The following GABRB2 variants were observed in gnomAD, a reference collection of about 807,000 sequenced individuals.
GABRB2 encodes the protein gamma-aminobutyric acid type A receptor subunit beta2, also known as gamma-aminobutyric acid receptor subunit beta-2.
Under a neutral mutation model 54.7 loss-of-function variants are expected in GABRB2, and 16 were observed. The ratio of observed to expected loss-of-function variants is 0.29; its 90% CI spans 0.20 to 0.44. GABRB2 has a LOEUF of 0.44. GABRB2 is among the 20% of genes least tolerant of loss of function. The pLI is 1.00. For synonymous variants in GABRB2, 244 were observed against 233.8 expected, an observed-to-expected ratio of 1.04 and a Z score of -0.40; for missense variants, 355 against 644.0, an observed-to-expected ratio of 0.55 and a Z score of 4.86.
chr5:161,354,215 T>A (rs1420133589), intron 5 of GABRB2, among the ~76,000 whole-genome samples: 1 of 152,030 alleles, frequency 6.6e-6, no homozygotes, highest in Non-Finnish European at 1.5e-5. Flanking sequence ...AGCCTACATA[T>A]TTAATAAACG....
At chr5:161,377,425 C>CTA (rs1274656297) in intron 5 of GABRB2, among the ~76,000 whole-genome samples, 1 of 152,056 alleles carries the variant, frequency 6.6e-6, no homozygotes, top group Non-Finnish European at 1.5e-5. Flanking sequence ...AGAAATATAA[C>CTA]ACATGATGCT....
chr5:161,462,336 G>A (rs1275481584), intron 3 of GABRB2, among the ~76,000 whole-genome samples: 1 of 152,112 alleles, frequency 6.6e-6, no homozygotes, highest in East Asian at 1.9e-4. Flanking sequence ...TATATAACTA[G>A]AAAACAGTAA....
At chr5:161,363,384 G>A (rs912528696) in intron 5 of GABRB2, among the ~76,000 whole-genome samples, 8 of 152,122 alleles carry the variant, frequency 5.3e-5, no homozygotes, top group Non-Finnish European at 8.8e-5. Context: ...GTTCGGGGCT[G>A]GGGGGCTGAG....
chr5:161,350,631 C>T (rs542932538), intron 5 of GABRB2, among the ~76,000 whole-genome samples: 189 of 152,128 alleles, frequency 1.2e-3, no homozygotes, highest in African/African-American at 4.2e-3. Context: ...TCTGTGAGGG[C>T]GTTGCCAAAG....
intron 3 of GABRB2, among the ~76,000 whole-genome samples, chr5:161,492,645 C>A (rs968802372): frequency 3.3e-5 from 5 of 151,244 alleles, no homozygotes; most frequent in Non-Finnish European, 7.4e-5. Context: ...GTAACAAAGA[C>A]ATATTTGGTC....
chr5:161,499,829 C>T (rs1197565386), intron 3 of GABRB2, among the ~76,000 whole-genome samples: 2 of 152,072 alleles, frequency 1.3e-5, no homozygotes, highest in East Asian at 3.9e-4. Flanking sequence ...TGAATGCTTC[C>T]TAAATTGCCT....
intron 3 of GABRB2, among the ~76,000 whole-genome samples, chr5:161,492,385 G>A (rs1759110435): frequency 6.6e-6 from 1 of 151,632 alleles, no homozygotes; most frequent in Non-Finnish European, 1.5e-5. Context: ...TACTTGATAA[G>A]TGATCGTCTA....
chr5:161,410,388 TCTCACACACACACACACACA>T (rs1345293970), intron 5 of GABRB2, among the ~76,000 whole-genome samples: 3 of 149,626 alleles, frequency 2.0e-5, no homozygotes, highest in Non-Finnish European at 4.5e-5. Flanking sequence ...TAAACAGAAT[TCTCACACACACACACACACA>T]CACACACACA....
At chr5:161,433,484 C>T (rs1346428791) in intron 4 of GABRB2, among the ~76,000 whole-genome samples, 5 of 151,504 alleles carry the variant, frequency 3.3e-5, no homozygotes, top group Non-Finnish European at 7.4e-5. Flanking sequence ...GTGGTGCTTG[C>T]CTGTAGTCCC....
At chr5:161,419,728 G>A (rs1011504486) in intron 4 of GABRB2, among the ~76,000 whole-genome samples, 42 of 152,194 alleles carry the variant, frequency 2.8e-4, no homozygotes, top group Non-Finnish European at 8.8e-5. Flanking sequence ...AATACGGCAT[G>A]TTCCTCACTT....
At chr5:161,497,039 G>A (rs1257882516) in intron 3 of GABRB2, among the ~76,000 whole-genome samples, 1 of 152,036 alleles carries the variant, frequency 6.6e-6, no homozygotes, top group Non-Finnish European at 1.5e-5. Flanking sequence ...AACATTTAAG[G>A]GGAGACATCC....
At chr5:161,411,718 A>G (rs1756521407) in intron 4 of GABRB2, among the ~76,000 whole-genome samples, 1 of 152,110 alleles carries the variant, frequency 6.6e-6, no homozygotes. Context: ...ACTAATAAAT[A>G]AATACGTTCC....
At chr5:161,302,167 T>G (rs559995576) in intron 9 of GABRB2, among the ~76,000 whole-genome samples, 1 of 152,358 alleles carries the variant, frequency 6.6e-6, no homozygotes, top group South Asian at 2.1e-4. Flanking sequence ...TTTTCCAGAC[T>G]GACCCATGTG....
intron 8 of GABRB2, among the ~76,000 whole-genome samples, chr5:161,328,935 T>C (rs888725478): frequency 3.3e-5 from 5 of 152,160 alleles, no homozygotes. Context: ...TCTTTTTTGT[T>C]CTCTCATATT....
intron 4 of GABRB2, among the ~76,000 whole-genome samples, chr5:161,448,910 G>A (rs1757712007): frequency 6.6e-6 from 1 of 152,140 alleles, no homozygotes; most frequent in African/African-American, 2.4e-5. Flanking sequence ...CAGAAACAGT[G>A]CATCAGTCCA....
chr5:161,418,490 A>G (rs1756747680), intron 4 of GABRB2, among the ~76,000 whole-genome samples: 1 of 152,124 alleles, frequency 6.6e-6, no homozygotes, highest in Non-Finnish European at 1.5e-5. Flanking sequence ...ACAAAAATTA[A>G]CTCAAAATGG....
chr5:161,404,332 C>T (rs1756286171), intron 5 of GABRB2, among the ~76,000 whole-genome samples: 1 of 152,060 alleles, frequency 6.6e-6, no homozygotes, highest in Non-Finnish European at 1.5e-5. Flanking sequence ...CACCATGGAG[C>T]ATTTGCAGTG....
chr5:161,538,227 G>A (rs778817513), intron 3 of GABRB2, among the ~76,000 whole-genome samples: 12 of 152,154 alleles, frequency 7.9e-5, no homozygotes, highest in African/African-American at 2.7e-4. Context: ...TGTGGCATTC[G>A]CCCGGGGTCA....
chr5:161,390,256 T>C (rs1224865661), intron 5 of GABRB2, among the ~76,000 whole-genome samples: 1 of 151,980 alleles, frequency 6.6e-6, no homozygotes, highest in Non-Finnish European at 1.5e-5. Context: ...ATAAGTAAAT[T>C]AAATATTTGG....
Sources: gnomAD v4.1 joint callset for allele counts (sites outside exome capture counted in the v4.1 genomes callset) on GRCh38, gnomAD v4.1.1 for gene constraint, MANE v1.5 for transcripts, NCBI Gene and HGNC (gene_info 2026-07-23, HGNC 2026-07-21) for gene names.